THSD4: variants seen among roughly 807,000 people sequenced by gnomAD.
The protein encoded by THSD4 is thrombospondin type-1 domain-containing protein 4.
A neutral mutation model predicts 119.0 loss-of-function variants in THSD4; 69 were observed. The ratio of observed to expected loss-of-function variants is 0.58; its 90% CI spans 0.48 to 0.71. THSD4 has a LOEUF of 0.71. Among genes scored for constraint, THSD4 ranks in the 30% least tolerant of loss-of-function variants. The pLI, the probability that THSD4 is intolerant of heterozygous loss-of-function variation, is 0.00. For missense variants in THSD4, 1,393 were observed against 1,391.1 expected, an observed-to-expected ratio of 1.00 and a Z score of -0.02; for synonymous variants, 524 against 540.4, an observed-to-expected ratio of 0.97 and a Z score of 0.42.
At chr15:71,520,666 C>T (rs2048426979) in intron 7 of THSD4, among the ~76,000 whole-genome samples, 1 of 152,170 alleles carries the variant, frequency 6.6e-6, no homozygotes, top group Admixed American at 6.5e-5. Flanking sequence ...CTATGCTGAG[C>T]ACTTGACATA....
chr15:71,735,411 T>C (rs2053063667), intron 10 of THSD4, among the ~76,000 whole-genome samples: 1 of 152,070 alleles, frequency 6.6e-6, no homozygotes, highest in Non-Finnish European at 1.5e-5. Context: ...TCCAGACTCC[T>C]ACCTCTCCTC....
Position 71,660,657 on chromosome 15 carries a change from A to G in THSD4, c.1280A>G (p.Tyr427Cys), listed in dbSNP as rs376030130. The change falls in exon 8 of 18, where the codon TAC becomes TGC. Residue 427 changes from tyrosine to cysteine, a missense_variant. Transcript: ENST00000261862. ...AAGCATGCCCTCACCAGCCTGGGCT[A>G]CCACCGCGTCGTGGAGATTCCCGAG... Reference protein sequence around the residue: ...VFKHALTSLGYHRVVEIPEGA... With the variant: ...VFKHALTSLGCHRVVEIPEGA... The G allele has an allele frequency of 6.2e-7, 1 of 1,614,084 alleles. No homozygotes were observed. Among genetic ancestry groups the G allele is most frequent in the Non-Finnish European group, 8.5e-7 (1 of 1,180,038 alleles).
At chr15:71,693,863 G>A (rs2052105826) in intron 8 of THSD4, among the ~76,000 whole-genome samples, 1 of 152,092 alleles carries the variant, frequency 6.6e-6, no homozygotes, top group African/African-American at 2.4e-5. Flanking sequence ...TGCCATGATT[G>A]TGAGGCTTCC....
rs1436168503 is a variant in THSD4, at chr15:71,249,517, T to TATAC, written c.912+6422_912+6423insTACA. ...TTCTCTTATTGACTTCATATATATA[T>TATAC]ACACACACACATTTATATACACAAG... On this transcript the variant is annotated intron_variant, in intron 5 of 17. Transcript: ENST00000261862. Among the ~76,000 whole-genome samples the TATAC allele has an allele frequency of 9.3e-4, 138 of 148,114 alleles. 1 individual carries two copies. Among genetic ancestry groups the TATAC allele is most frequent in the African/African-American group, 3.2e-3 (128 of 40,210 alleles).
chr15:71,454,505 C>G (rs532858008), intron 7 of THSD4, among the ~76,000 whole-genome samples: 3 of 152,184 alleles, frequency 2.0e-5, no homozygotes, highest in Non-Finnish European at 4.4e-5. Context: ...GGCCAAGGAG[C>G]CCGAGGCCCC....
chr15:71,633,658 T>C (rs1291141038), intron 7 of THSD4, among the ~76,000 whole-genome samples: 1 of 152,144 alleles, frequency 6.6e-6, no homozygotes, highest in Non-Finnish European at 1.5e-5. Context: ...ATTATTAATA[T>C]TTGTCTTTCA....
chr15:71,341,317 A>G (rs1217725309), intron 6 of THSD4: 1 of 1,603,500 alleles, frequency 6.2e-7, no homozygotes, highest in South Asian at 1.1e-5. Flanking sequence ...TCCGACCATG[A>G]GCTCTGTAGG....
intron 6 of THSD4, among the ~76,000 whole-genome samples, chr15:71,339,190 A>G (rs1242179616): frequency 6.6e-6 from 1 of 152,080 alleles, no homozygotes; most frequent in African/African-American, 2.4e-5. Context: ...CATTCTTAGT[A>G]TGTTTTATCT....
At chr15:71,315,813 T>C (rs968781807) in intron 6 of THSD4, among the ~76,000 whole-genome samples, 11 of 152,130 alleles carry the variant, frequency 7.2e-5, no homozygotes, top group Admixed American at 3.9e-4. Flanking sequence ...GTGGAGAGAT[T>C]TGGGGAAATA....
intron 8 of THSD4, among the ~76,000 whole-genome samples, chr15:71,665,380 A>T (rs2051397154): frequency 6.6e-6 from 1 of 151,832 alleles, no homozygotes; most frequent in African/African-American, 2.4e-5. Context: ...AAAGTTCCTT[A>T]TAGATGCTGG....
intron 1 of THSD4, among the ~76,000 whole-genome samples, chr15:71,099,753 C>A (rs1385223422): frequency 6.6e-6 from 1 of 151,988 alleles, no homozygotes; most frequent in Non-Finnish European, 1.5e-5. Flanking sequence ...TCGCTTGAAC[C>A]CAGGGATTTG....
chr15:71,697,452 C>T (rs1166341371), intron 8 of THSD4, among the ~76,000 whole-genome samples: 4 of 152,122 alleles, frequency 2.6e-5, no homozygotes, highest in Non-Finnish European at 5.9e-5. Flanking sequence ...ATAGGCACAT[C>T]GACATAGACA....
intron 13 of THSD4, among the ~76,000 whole-genome samples, chr15:71,747,245 G>A (rs975391649): frequency 6.6e-6 from 1 of 152,170 alleles, no homozygotes; most frequent in African/African-American, 2.4e-5. Context: ...GCCACCCACA[G>A]CCAACTTTAT....
chr15:71,131,737 G>A (rs28376750), intron 1 of THSD4, among the ~76,000 whole-genome samples: 3,439 of 152,284 alleles, frequency 0.023, 125 homozygotes, highest in African/African-American at 0.078. Context: ...TTTGCAGACA[G>A]GTATACTGCC....
Position 71,589,420 on chromosome 15 carries a change from A to T in THSD4, c.1153-71110A>T, listed in dbSNP as rs1484857561. Among the ~76,000 whole-genome samples, 3 of 138,628 alleles carry T rather than the reference A, an allele frequency of 2.2e-5. 1 individual carries two copies. The highest frequency in any genetic ancestry group is 4.9e-5 in the Non-Finnish European group (3 of 60,972). 90.9% of individuals were successfully genotyped at this position (138,628 alleles called of 152,430 possible). A position where few individuals can be genotyped will look rare whatever the true frequency, so the allele number is the denominator to read the frequency against. On this transcript the variant is annotated intron_variant, in intron 7 of 17. Coordinates refer to ENST00000261862, the MANE Select transcript of THSD4 (RefSeq NM_024817.3). ...ATTCAGGCTGGAGTGCAGGAGCACAATAATGGCTCACTGCATCCTTGCCCT... is the reference window on the plus strand; with the variant it reads ...ATTCAGGCTGGAGTGCAGGAGCACATTAATGGCTCACTGCATCCTTGCCCT...
chr15:71,256,501 G>T (rs961407200), intron 5 of THSD4, 112 bp from the exon 6 acceptor site: 129 of 647,922 alleles, frequency 2.0e-4, no homozygotes, highest in Non-Finnish European at 2.6e-4. Flanking sequence ...AATAAATAAA[G>T]AATAAAAATA....
intron 7 of THSD4, among the ~76,000 whole-genome samples, chr15:71,423,221 C>CT (rs2046830384): frequency 6.6e-6 from 1 of 152,150 alleles, no homozygotes; most frequent in Admixed American, 6.5e-5. Context: ...AAGACAAAGT[C>CT]CCCTTTACTC....
At chr15:71,586,912 C>T (rs1323725647) in intron 7 of THSD4, among the ~76,000 whole-genome samples, 1 of 152,192 alleles carries the variant, frequency 6.6e-6, no homozygotes, top group Admixed American at 6.5e-5. Flanking sequence ...GTGCTAGGCC[C>T]TATGGAAGAT....
chr15:71,396,490 C>A (rs2046457297), intron 6 of THSD4, among the ~76,000 whole-genome samples: 1 of 152,170 alleles, frequency 6.6e-6, no homozygotes, highest in Admixed American at 6.5e-5. Context: ...AATTCCCTTC[C>A]CTGACTTCCT....
Sources: gnomAD v4.1 joint callset for allele counts (sites outside exome capture counted in the v4.1 genomes callset) on GRCh38, gnomAD v4.1.1 for gene constraint, MANE v1.5 for transcripts, NCBI Gene and HGNC (gene_info 2026-07-23, HGNC 2026-07-21) for gene names.